EVC: variants seen among roughly 807,000 people sequenced by gnomAD.
EVC encodes evC complex member EVC.
A neutral mutation model predicts 118.9 loss-of-function variants in EVC; 116 were observed. The ratio of observed to expected loss-of-function variants is 0.98; its 90% CI spans 0.84 to 1.14. The LOEUF is 1.14. Ranked by LOEUF, EVC falls within the 50% of genes most tolerant of loss-of-function variation. The probability of loss-of-function intolerance (pLI) is 0.00; values close to 1 mark genes in which losing one functional copy is unlikely to be tolerated. For missense variants in EVC, 1,401 were observed against 1,246.4 expected (o/e 1.12, Z -1.87); for synonymous variants, 619 against 534.7 (o/e 1.16, Z -2.18).
chr4:5,758,235 G>A (rs1016265334), intron 11 of EVC: 7 of 655,804 alleles, frequency 1.1e-5, no homozygotes, highest in African/African-American at 7.3e-5. Flanking sequence ...TGGAGGGGGC[G>A]AGGCTCTGCC....
chr4:5,808,094 G>A (rs1308086808), intron 17 of EVC, 107 bp from the exon 18 acceptor site: 2 of 925,264 alleles, frequency 2.2e-6, no homozygotes, highest in Admixed American at 2.1e-5. Flanking sequence ...GGCCCCTCTT[G>A]GGGCTCCCAG....
In EVC at chr4:5,756,019, T is replaced by A. The variant is rs1285610633; in HGVS notation, c.1465-245T>A. 6.6e-6 allele frequency among the ~76,000 whole-genome samples: 1 copy of A among 152,104 alleles called. No individual in the cohort carries two copies. Among genetic ancestry groups the A allele is most frequent in the Non-Finnish European group, 1.5e-5 (1 of 68,022 alleles). On this transcript the variant is annotated intron_variant, in intron 10 of 20. Transcript: ENST00000264956. This position sits in a 1 kb window ranked among gnomAD's most constrained non-coding sequence, Gnocchi z 4.2. ...GTGACAGAAGTGGTCCAGTGGCCCCTCCTCATCCTGGCTTTAACAAAAGCG... is the reference window on the plus strand; with the variant it reads ...GTGACAGAAGTGGTCCAGTGGCCCCACCTCATCCTGGCTTTAACAAAAGCG...
intron 1 of EVC, among the ~76,000 whole-genome samples, chr4:5,713,818 G>A (rs964627006): frequency 3.0e-4 from 46 of 152,176 alleles, no homozygotes; most frequent in African/African-American, 1.0e-3. Flanking sequence ...CAAGAGAATC[G>A]CTTGAACCCA....
At position 5,731,313 on chromosome 4, in the gene EVC, C is replaced by A. The variant is rs533852701; in HGVS notation, c.385-112C>A. On this transcript the variant is annotated intron_variant, in intron 3 of 20. Coordinates refer to ENST00000264956, the MANE Select transcript of EVC (RefSeq NM_153717.3). This position sits in a 1 kb window ranked among gnomAD's most constrained non-coding sequence, Gnocchi z 5.6. The stretch of plus-strand genomic sequence containing the variant: ...TGCTGGCACCCTGGCCAGTCTCCTC[C>A]AGGCAGACCTTCCTGTGAGCGGCTA... The A allele has an allele frequency of 3.1e-6, 3 of 971,844 alleles. No homozygotes were observed. The East Asian group carries it at 7.2e-5, about 23-fold the overall frequency. 60.2% of individuals were successfully genotyped at this position (971,844 alleles called of 1,614,324 possible). A position where few individuals can be genotyped will look rare whatever the true frequency, so the allele number is the denominator to read the frequency against.
the EVC span, among the ~76,000 whole-genome samples, chr4:5,827,242 A>C: frequency 6.6e-6 from 1 of 152,228 alleles, no homozygotes; most frequent in East Asian, 1.9e-4. Flanking sequence ...AAGCCAGCCA[A>C]GGGGTGTGTC....
chr4:5,745,452 A>C, intron 7 of EVC, 111 bp downstream of exon 7: 2 of 1,165,510 alleles, frequency 1.7e-6, no homozygotes, highest in Non-Finnish European at 2.5e-6. Context: ...GAATTCCCCT[A>C]TCGCATTCTG....
intron 12 of EVC, among the ~76,000 whole-genome samples, chr4:5,791,794 G>A (rs2152319535): frequency 6.6e-6 from 1 of 152,054 alleles, no homozygotes; most frequent in Non-Finnish European, 1.5e-5. Flanking sequence ...CACCATACCT[G>A]AACACAGACC....
At chr4:5,824,874 A>G in the EVC span, 1 of 985,376 alleles carries the variant, frequency 1.0e-6, no homozygotes, top group African/African-American at 1.7e-5. Context: ...CAAATCACAG[A>G]TACACTGCCC....
intron 5 of EVC, among the ~76,000 whole-genome samples, chr4:5,740,446 GGACGACA>G (rs1728347010): frequency 6.8e-6 from 1 of 147,960 alleles, no homozygotes; most frequent in Admixed American, 6.8e-5. Context: ...ACTCTAGCCT[GGACGACA>G]GACTGATACT....
chr4:5,725,814 C>T (rs1725718276), intron 2 of EVC, among the ~76,000 whole-genome samples: 1 of 152,110 alleles, frequency 6.6e-6, no homozygotes, highest in Non-Finnish European at 1.5e-5. Flanking sequence ...AATGGTATTG[C>T]CTAGATTTTC....
At position 5,711,346 on chromosome 4, in the gene EVC, C is replaced by T. The variant is rs546318095; in HGVS notation, c.-35C>T. 68 of 1,006,506 alleles carry T rather than the reference C, an allele frequency of 6.8e-5. No homozygotes were observed. Among genetic ancestry groups the T allele is most frequent in the Non-Finnish European group, 7.6e-5 (64 of 844,772 alleles). The allele number at this position is 1,006,506 out of a possible 1,614,324, so 62.3% of individuals were successfully genotyped here. A position where few individuals can be genotyped will look rare whatever the true frequency, so the allele number is the denominator to read the frequency against. ...CTGGCGGGGACGGTGCAGCAGGCGG[C>T]GGGATGCGGCGGGGCGGCAGCCTGA... is the stretch of plus-strand genomic sequence containing the variant. On this transcript the variant is annotated 5_prime_UTR_variant, in exon 1 of 21. Transcript: ENST00000264956.
At chr4:5,764,411 C>A (rs1577485075) in intron 11 of EVC, among the ~76,000 whole-genome samples, 2 of 138,928 alleles carry the variant, frequency 1.4e-5, no homozygotes, top group South Asian at 5.1e-4. Flanking sequence ...ATGATGCTGG[C>A]CTCATAAAAT....
At chr4:5,805,796 G>A (rs1403268829) in intron 17 of EVC, among the ~76,000 whole-genome samples, 1 of 152,066 alleles carries the variant, frequency 6.6e-6, no homozygotes, top group Non-Finnish European at 1.5e-5. Flanking sequence ...GGGAAAGGGG[G>A]TGCATGAGCC....
In EVC at chr4:5,742,807, T is replaced by C. The variant is rs1728809120; in HGVS notation, c.801+993T>C. ...AGGGCAGGCAAGCTCCAGAATAGGG[T>C]TTAGCCTGGGAGGGTACTTGGCTTC... On this transcript the variant is annotated intron_variant, in intron 6 of 20. Coordinates refer to ENST00000264956, the MANE Select transcript of EVC (RefSeq NM_153717.3). The surrounding 1 kb of genome is among the most constrained non-coding windows in gnomAD (Gnocchi z 5.2). 1.3e-5 allele frequency among the ~76,000 whole-genome samples: 2 copies of C among 151,990 alleles called. No individual in the cohort carries two copies. Among genetic ancestry groups the C allele is most frequent in the South Asian group, 4.2e-4 (2 of 4,816 alleles).
rs1226976426 is a variant in EVC at position 5,755,878 on chromosome 4, T to C, written c.1465-386T>C. 6.6e-6 allele frequency among the ~76,000 whole-genome samples: 1 copy of C among 152,166 alleles called. No homozygotes were observed. Among genetic ancestry groups the C allele is most frequent in the African/African-American group, 2.4e-5 (1 of 41,444 alleles). ...CAGTGGGGCCTGGCTGGTTGCTGAC[T>C]GCACTGACCTCCAATCGCCAGTCTG... is the stretch of plus-strand genomic sequence containing the variant. On this transcript the variant is annotated intron_variant, in intron 10 of 20. Coordinates refer to ENST00000264956, the MANE Select transcript of EVC (RefSeq NM_153717.3). This position sits in a 1 kb window ranked among gnomAD's most constrained non-coding sequence, Gnocchi z 4.1.
downstream of EVC, among the ~76,000 whole-genome samples, chr4:5,814,801 C>G (rs1229564906): frequency 6.6e-6 from 1 of 152,048 alleles, no homozygotes; most frequent in African/African-American, 2.4e-5. Flanking sequence ...CTCCTAGCCA[C>G]TCCTCACATG....
intron 18 of EVC, among the ~76,000 whole-genome samples, chr4:5,809,147 T>C (rs1437370620): frequency 1.3e-5 from 2 of 152,182 alleles, no homozygotes; most frequent in Non-Finnish European, 2.9e-5. Context: ...AATTCTGGTG[T>C]GTTTGTTTAC....
In EVC at chr4:5,741,746, C is replaced by T. The variant is rs1213332263; in HGVS notation, c.733C>T (p.Leu245Phe). Residue 245 changes from leucine to phenylalanine, a missense_variant, in exon 6 of 21, where the codon CTT becomes TTT. Physicochemically the swap from Leu to Phe is conservative, Grantham distance 22. Coordinates refer to ENST00000264956, the MANE Select transcript of EVC (RefSeq NM_153717.3). Reference protein sequence around the residue: ...MFIQIFKMCLLDLLPKKKSDD... With the variant: ...MFIQIFKMCLFDLLPKKKSDD... ...TATTCAGATTTTTAAAATGTGCCTC[C>T]TTGACCTTCTTCCTAAAAAGAAGTC... 1.9e-6 allele frequency: 3 copies of T among 1,573,974 alleles called. No homozygotes were observed. The highest frequency in any genetic ancestry group is 1.8e-4 in the Middle Eastern group (1 of 5,584).
chr4:5,753,654 A>G (rs1301091950), intron 9 of EVC, 131 bp from the exon 10 acceptor site: 1 of 1,191,984 alleles, frequency 8.4e-7, no homozygotes, highest in Non-Finnish European at 1.3e-6. Context: ...GTGTGTCACC[A>G]GCAGGGCGGG....
Sources: gnomAD v4.1 joint callset for allele counts (sites outside exome capture counted in the v4.1 genomes callset) on GRCh38, gnomAD v4.1.1 for gene constraint, Gnocchi (gnomAD v3.1) non-coding constraint, MANE v1.5 for transcripts, NCBI Gene and HGNC (gene_info 2026-07-23, HGNC 2026-07-21) for gene names.